ARHGAP24: variants seen among roughly 807,000 people sequenced by gnomAD.
ARHGAP24 encodes Rho GTPase activating protein 24.
A neutral mutation model predicts 76.4 loss-of-function variants in ARHGAP24; 50 were observed. The ratio of observed to expected loss-of-function variants is 0.65; its 90% CI spans 0.52 to 0.83. The LOEUF is 0.83. Among genes scored for constraint, ARHGAP24 ranks in the 40% least tolerant of loss-of-function variants. The pLI is 0.00. For synonymous variants in ARHGAP24, 345 were observed against 323.3 expected (o/e 1.07, Z -0.72); for missense variants, 930 against 914.2 (o/e 1.02, Z -0.22).
intron 1 of ARHGAP24, among the ~76,000 whole-genome samples, chr4:85,512,323 T>C (rs1724318035): frequency 6.6e-6 from 1 of 152,234 alleles, no homozygotes. Flanking sequence ...ACATAGTAAG[T>C]ACAAGTATAG....
intron 3 of ARHGAP24, among the ~76,000 whole-genome samples, chr4:85,869,514 A>G (rs1434620189): frequency 6.6e-6 from 1 of 152,072 alleles, no homozygotes; most frequent in Non-Finnish European, 1.5e-5. Flanking sequence ...AAATTACTAC[A>G]ACCCTGTTTG....
chr4:85,842,999 T>A (rs766246914), intron 3 of ARHGAP24, among the ~76,000 whole-genome samples: 3 of 152,232 alleles, frequency 2.0e-5, no homozygotes, highest in Non-Finnish European at 4.4e-5. Context: ...CAGGCCATAC[T>A]ATTTACTCCT....
At chr4:85,828,414 C>T (rs913359769) in intron 3 of ARHGAP24, among the ~76,000 whole-genome samples, 6 of 151,872 alleles carry the variant, frequency 4.0e-5, no homozygotes, top group African/African-American at 1.5e-4. Context: ...AGTAGAGTGC[C>T]TTAGGATTTG....
At chr4:85,869,597 G>A (rs1255723924) in intron 3 of ARHGAP24, among the ~76,000 whole-genome samples, 1 of 152,076 alleles carries the variant, frequency 6.6e-6, no homozygotes, top group African/African-American at 2.4e-5. Flanking sequence ...ACACCTACCT[G>A]ATGAACAGAA....
At chr4:85,728,779 G>A (rs1482095) in intron 3 of ARHGAP24, among the ~76,000 whole-genome samples, 20,760 of 152,108 alleles carry the variant, frequency 0.14, 1,878 homozygotes, top group East Asian at 0.36. Flanking sequence ...GCCAATTTTT[G>A]AGTTTTTGGG....
At chr4:85,666,411 AT>A (rs984491349) in intron 2 of ARHGAP24, among the ~76,000 whole-genome samples, 5 of 152,062 alleles carry the variant, frequency 3.3e-5, no homozygotes, top group African/African-American at 1.2e-4. Context: ...TTTTTTCAAA[AT>A]TTTTAACTTC....
At chr4:85,729,033 C>G (rs1017161665) in intron 3 of ARHGAP24, among the ~76,000 whole-genome samples, 4 of 152,200 alleles carry the variant, frequency 2.6e-5, no homozygotes, top group African/African-American at 7.2e-5. Context: ...TTACAACACT[C>G]CCTTATCTTA....
chr4:85,541,062 T>C (rs1725667260), intron 1 of ARHGAP24, among the ~76,000 whole-genome samples: 1 of 141,434 alleles, frequency 7.1e-6, no homozygotes, highest in Admixed American at 6.8e-5. Flanking sequence ...GGTGTGATAC[T>C]TTCACTGATC....
chr4:85,863,916 C>G (rs1019615027), intron 3 of ARHGAP24, among the ~76,000 whole-genome samples: 4 of 151,976 alleles, frequency 2.6e-5, no homozygotes, highest in African/African-American at 7.2e-5. Context: ...TGGCAAATGC[C>G]CCAAGTTTTA....
intron 2 of ARHGAP24, among the ~76,000 whole-genome samples, chr4:85,585,386 A>C (rs1161851068): frequency 1.3e-5 from 2 of 152,184 alleles, no homozygotes; most frequent in Admixed American, 1.3e-4. Flanking sequence ...AACTGAGAAG[A>C]GTGTGGCTAT....
intron 1 of ARHGAP24, among the ~76,000 whole-genome samples, chr4:85,562,241 G>A (rs1017981178): frequency 2.0e-5 from 3 of 152,192 alleles, no homozygotes; most frequent in Non-Finnish European, 4.4e-5. Flanking sequence ...ACTGTGCTAG[G>A]AATGAAATCA....
chr4:85,729,233 C>T (rs1048478198), intron 3 of ARHGAP24, among the ~76,000 whole-genome samples: 8 of 151,856 alleles, frequency 5.3e-5, no homozygotes, highest in East Asian at 3.9e-4. Context: ...GAGTTGCTTA[C>T]GGTATGAAAA....
intron 3 of ARHGAP24, among the ~76,000 whole-genome samples, chr4:85,755,641 G>GTTTT (rs147557214): frequency 1.4e-4 from 16 of 113,338 alleles, no homozygotes; most frequent in Non-Finnish European, 1.8e-4. Context: ...GTTTTGTTTT[G>GTTTT]TTTTGTTTTG....
intron 3 of ARHGAP24, among the ~76,000 whole-genome samples, chr4:85,868,593 G>A (rs1310319642): frequency 6.6e-6 from 1 of 152,078 alleles, no homozygotes; most frequent in Non-Finnish European, 1.5e-5. Context: ...ATATAATGTG[G>A]TATCTCAGAT....
At chr4:85,824,043 A>T (rs1260861111) in intron 3 of ARHGAP24, among the ~76,000 whole-genome samples, 3 of 152,146 alleles carry the variant, frequency 2.0e-5, no homozygotes, top group African/African-American at 7.2e-5. Context: ...AAACACAATT[A>T]TATTTAGAAA....
chr4:85,930,496 T>C, intron 4 of ARHGAP24: 1 of 992,246 alleles, frequency 1.0e-6, no homozygotes. Context: ...ATTGTTCCTC[T>C]TTCCTCTTGC....
chr4:85,732,923 C>A (rs1339929918), intron 3 of ARHGAP24, among the ~76,000 whole-genome samples: 1 of 151,182 alleles, frequency 6.6e-6, no homozygotes, highest in Non-Finnish European at 1.5e-5. Flanking sequence ...GTCTCGAACT[C>A]CCAACCTCAG....
At chr4:85,947,987 A>C (rs1360853069) in intron 5 of ARHGAP24, among the ~76,000 whole-genome samples, 1 of 152,208 alleles carries the variant, frequency 6.6e-6, no homozygotes, top group East Asian at 1.9e-4. Context: ...CTCTGAGAGA[A>C]AAAAATATAT....
intron 3 of ARHGAP24, among the ~76,000 whole-genome samples, chr4:85,771,426 C>T (rs779748610): frequency 6.6e-6 from 1 of 152,224 alleles, no homozygotes; most frequent in Admixed American, 6.5e-5. Context: ...CTTCCTCTGC[C>T]TGTTGTTCTA....
Sources: allele counts gnomAD v4.1 joint callset (sites outside exome capture counted in the v4.1 genomes callset), GRCh38; gene constraint gnomAD v4.1.1; transcripts MANE v1.5; gene names NCBI Gene and HGNC (gene_info 2026-07-23, HGNC 2026-07-21).